The following GLG1 variants were observed in gnomAD, a reference collection of about 807,000 sequenced individuals.
GLG1 encodes Golgi apparatus protein 1.
Under a neutral mutation model 160.5 loss-of-function variants are expected in GLG1, and 38 were observed. That is an observed-to-expected ratio of 0.24 (90% confidence interval 0.18 to 0.31). The LOEUF is 0.31. Ranked by LOEUF, GLG1 falls within the 10% of genes least tolerant of loss-of-function variation. The pLI, the probability that GLG1 is intolerant of heterozygous loss-of-function variation, is 1.00. For synonymous variants in GLG1, 644 were observed against 543.4 expected, an observed-to-expected ratio of 1.19 and a Z score of -2.57; for missense variants, 1,373 against 1,505.2, an observed-to-expected ratio of 0.91 and a Z score of 1.45.
intron 1 of GLG1, among the ~76,000 whole-genome samples, chr16:74,590,517 A>G (rs1258000609): frequency 6.6e-6 from 1 of 151,486 alleles, no homozygotes; most frequent in Non-Finnish European, 1.5e-5. Context: ...GCTACTCAGA[A>G]GGCTGAGGCA....
At position 74,453,156 on chromosome 16, in the gene GLG1, T is replaced by G. The variant is rs779540700; in HGVS notation, c.*11A>C. The G allele has an allele frequency of 3.9e-5, 63 of 1,612,656 alleles. No homozygotes were observed. The highest frequency in any genetic ancestry group is 4.8e-5 in the Non-Finnish European group (57 of 1,179,170). On this transcript the variant is annotated 3_prime_UTR_variant, in exon 26 of 26. Coordinates refer to ENST00000422840, the MANE Select transcript of GLG1 (RefSeq NM_001145667.2). ...ACTGGATAGGTAGTTCCTTTGGTGG[T>G]CAAGGTGGCTCTACCTGTCCTTGAG...
rs181803761 is a variant in GLG1, at chr16:74,599,970, G to A, written c.438+6687C>T. On this transcript the variant is annotated intron_variant, in intron 1 of 25. Transcript: ENST00000422840. ...AATCGCTTGAATACAGGAGACAAAG[G>A]TTGCAGTGAGGTGAGATCGCGCCAC... 6.8e-3 allele frequency among the ~76,000 whole-genome samples: 1,007 copies of A among 148,620 alleles called. 3 individuals carry two copies. The highest frequency in any genetic ancestry group is 0.011 in the Non-Finnish European group (708 of 67,094).
At chr16:74,555,489 C>A (rs1047847995) in intron 1 of GLG1, among the ~76,000 whole-genome samples, 2 of 152,018 alleles carry the variant, frequency 1.3e-5, no homozygotes, top group African/African-American at 2.4e-5. Context: ...GAGTTCAAGA[C>A]CAGCCTGGGC....
At chr16:74,497,989 C>T (rs1438436243) in intron 4 of GLG1, among the ~76,000 whole-genome samples, 1 of 152,160 alleles carries the variant, frequency 6.6e-6, no homozygotes, top group Non-Finnish European at 1.5e-5. Flanking sequence ...ACTTCATCAT[C>T]CCCATAGCAA....
chr16:74,575,637 C>T (rs376888877), intron 1 of GLG1, among the ~76,000 whole-genome samples: 1 of 152,078 alleles, frequency 6.6e-6, no homozygotes, highest in Non-Finnish European at 1.5e-5. Context: ...CTCCCTCTGT[C>T]GCCCAGGCTG....
intron 18 of GLG1, 121 bp downstream of exon 18, chr16:74,467,635 C>T: frequency 1.5e-6 from 1 of 663,732 alleles, no homozygotes; most frequent in Non-Finnish European, 2.7e-6. Flanking sequence ...GAGATGGGTC[C>T]TGTCTCACCA....
intron 2 of GLG1, among the ~76,000 whole-genome samples, chr16:74,513,490 T>A (rs925540498): frequency 6.6e-6 from 1 of 152,190 alleles, no homozygotes; most frequent in South Asian, 2.1e-4. Flanking sequence ...CCGCTGGTGA[T>A]ACCCAGGCAA....
intron 1 of GLG1, among the ~76,000 whole-genome samples, chr16:74,581,279 A>T (rs1957932481): frequency 6.6e-6 from 1 of 152,194 alleles, no homozygotes; most frequent in South Asian, 2.1e-4. Context: ...AACAAAATGC[A>T]GTGTATACGT....
intron 15 of GLG1, 85 bp downstream of exon 15, chr16:74,471,088 G>T: frequency 1.2e-6 from 1 of 808,782 alleles, no homozygotes; most frequent in Non-Finnish European, 2.2e-6. Context: ...GAACATCAGA[G>T]GTGCTCTGAT....
chr16:74,551,214 T>C (rs914500097), intron 1 of GLG1, among the ~76,000 whole-genome samples: 4 of 152,216 alleles, frequency 2.6e-5, no homozygotes, highest in Admixed American at 2.6e-4. Context: ...TTATACATAA[T>C]AAAAATAGTT....
rs1400707847 is a variant in GLG1, at chr16:74,556,514, A to G, written c.439-24361T>C. ...CACTCTGGGGCAACCTGGTGAGACA[A>G]TGCCTCTACAAATAAAATAGTCAGC... On this transcript the variant is annotated intron_variant, in intron 1 of 25. Transcript: ENST00000422840. Among the ~76,000 whole-genome samples the G allele has an allele frequency of 2.6e-5, 4 of 152,040 alleles. No individual in the cohort carries two copies. The East Asian group carries it at 7.7e-4, about 29-fold the overall frequency.
chr16:74,472,311 TTC>T (rs1380879240), intron 14 of GLG1, 36 bp downstream of exon 14: 3 of 1,442,362 alleles, frequency 2.1e-6, no homozygotes, highest in East Asian at 2.3e-5. Context: ...GTCAATTTGT[TTC>T]TGTTTTTAAC....
At chr16:74,511,403 G>A (rs2016798577) in intron 2 of GLG1, among the ~76,000 whole-genome samples, 1 of 152,022 alleles carries the variant, frequency 6.6e-6, no homozygotes, top group Non-Finnish European at 1.5e-5. Flanking sequence ...TGTAATGCCA[G>A]CACTTTGGGA....
At chr16:74,491,636 C>CT (rs57935114) in intron 7 of GLG1, among the ~76,000 whole-genome samples, 69 of 87,336 alleles carry the variant, frequency 7.9e-4, no homozygotes, top group African/African-American at 2.2e-3. Flanking sequence ...ATGGGGAAAA[C>CT]TTTTTTTTTT....
chr16:74,598,186 G>C (rs1431249344), intron 1 of GLG1, among the ~76,000 whole-genome samples: 2 of 152,148 alleles, frequency 1.3e-5, no homozygotes, highest in Non-Finnish European at 2.9e-5. Flanking sequence ...CTTGAACACT[G>C]AGCAGTGTCT....
chr16:74,568,206 G>A (rs1242009189), intron 1 of GLG1, among the ~76,000 whole-genome samples: 1 of 152,156 alleles, frequency 6.6e-6, no homozygotes, highest in African/African-American at 2.4e-5. Context: ...AAGATGCCAA[G>A]TATCAATACC....
chr16:74,493,401 A>T (rs2016073558), intron 6 of GLG1, among the ~76,000 whole-genome samples: 2 of 152,264 alleles, frequency 1.3e-5, no homozygotes, highest in Admixed American at 1.3e-4. Flanking sequence ...TATCCAAAAC[A>T]TGTAAATATC....
At chr16:74,465,037 C>A (rs2014948533) in intron 19 of GLG1, among the ~76,000 whole-genome samples, 3 of 152,116 alleles carry the variant, frequency 2.0e-5, no homozygotes, top group South Asian at 4.1e-4. Context: ...CGGGGTTTCA[C>A]CATGTTGGCC....
In GLG1 at chr16:74,606,869, G is replaced by T. The variant is rs769468827; in HGVS notation, c.226C>A (p.Gln76Lys). Reference sequence around the variant, plus strand: ...TGCTGTTGCTGTTGCTGCTGCTGCTGTTGCTGCTGAAGCTGCGATGACTGA... The same window carrying T: ...TGCTGTTGCTGTTGCTGCTGCTGCTTTTGCTGCTGAAGCTGCGATGACTGA... ...LPQSSQLQQQ[Q>K]QQQQQQQQPQ... Residue 76 changes from glutamine (Q) to lysine (K), a missense_variant, in exon 1 of 26, where the codon CAG becomes AAG. Physicochemically the swap from Gln to Lys is moderately conservative, Grantham distance 53 (BLOSUM62 1). This residue lies in a region of GLG1 where 322 missense variants were observed against 254.6 expected (regional missense o/e 1.26). Coordinates refer to ENST00000422840, the MANE Select transcript of GLG1 (RefSeq NM_001145667.2). 6 of 1,600,286 alleles carry T rather than the reference G, an allele frequency of 3.7e-6. No individual in the cohort carries two copies. In the Admixed American group the frequency reaches 1.1e-4, roughly 28 times the overall value.
Sources: gnomAD v4.1 joint callset for allele counts (sites outside exome capture counted in the v4.1 genomes callset) on GRCh38, gnomAD v4.1.1 for gene constraint, gnomAD v4.1.1 regional missense constraint, MANE v1.5 for transcripts, NCBI Gene and HGNC (gene_info 2026-07-23, HGNC 2026-07-21) for gene names.